Variants in SCN8A observed in about 807,000 individuals in gnomAD.
The protein encoded by SCN8A is sodium voltage-gated channel alpha subunit 8, also known as sodium channel protein type 8 subunit alpha.
In SCN8A, 30 loss-of-function variants were observed where a neutral mutation model predicts 184.1. The ratio of observed to expected loss-of-function variants is 0.16; its 90% CI spans 0.12 to 0.22. The LOEUF is 0.22. Ranked by LOEUF, SCN8A falls within the 10% of genes least tolerant of loss-of-function variation. The probability of loss-of-function intolerance (pLI) is 1.00; values close to 1 mark genes in which losing one functional copy is unlikely to be tolerated. For synonymous variants in SCN8A, 852 were observed against 907.0 expected (o/e 0.94, Z 1.09); for missense variants, 1,057 against 2,498.9 (o/e 0.42, Z 12.30).
intron 6 of SCN8A, among the ~76,000 whole-genome samples, chr12:51,692,733 A>G (rs1941532508): frequency 6.6e-6 from 1 of 152,226 alleles, no homozygotes. Flanking sequence ...TGACTCTGTC[A>G]GAAGTTTTGT....
intron 1 of SCN8A, among the ~76,000 whole-genome samples, chr12:51,593,334 T>C (rs1330593114): frequency 6.6e-6 from 1 of 152,170 alleles, no homozygotes; most frequent in Non-Finnish European, 1.5e-5. Flanking sequence ...TGAGTAGAGC[T>C]GGTGGTGGGT....
intron 1 of SCN8A, among the ~76,000 whole-genome samples, chr12:51,645,721 A>T (rs1284636866): frequency 6.7e-6 from 1 of 149,730 alleles, no homozygotes; most frequent in African/African-American, 2.4e-5. Context: ...GGGCGGTGCA[A>T]GATGTGCTTT....
chr12:51,770,030 C>A (rs1305412338), intron 18 of SCN8A, 45 bp downstream of exon 18: 12 of 1,319,636 alleles, frequency 9.1e-6, no homozygotes, highest in Non-Finnish European at 1.2e-5. Flanking sequence ...ACTCGTGTTG[C>A]TCACAGACAC....
intron 7 of SCN8A, among the ~76,000 whole-genome samples, chr12:51,700,095 G>A (rs1234737918): frequency 6.6e-6 from 1 of 151,948 alleles, no homozygotes; most frequent in East Asian, 1.9e-4. Flanking sequence ...GAACCCGGGA[G>A]GCGGAGGTTG....
chr12:51,629,075 A>G (rs1321026558), intron 1 of SCN8A, among the ~76,000 whole-genome samples: 1 of 152,196 alleles, frequency 6.6e-6, no homozygotes. Context: ...TGGCCTCAAA[A>G]ACTAGCAGTA....
At chr12:51,768,656 A>G (rs1004938338) in intron 16 of SCN8A, among the ~76,000 whole-genome samples, 4 of 152,226 alleles carry the variant, frequency 2.6e-5, no homozygotes, top group African/African-American at 9.7e-5. Flanking sequence ...GACCCAAGAA[A>G]AGAGGTGCTA....
rs533040233 is a variant in SCN8A at position 51,779,407 on chromosome 12, A to G, written c.3820-1242A>G. Among the ~76,000 whole-genome samples the G allele has an allele frequency of 2.6e-5, 4 of 152,306 alleles. No homozygotes were observed. The South Asian group carries it at 8.3e-4, about 32-fold the overall frequency. ...TAACTGCTCTGAGAGCTCTGGTAGA[A>G]CAAGGTAAGTTTGCCTCTGGCAGAG... On this transcript the variant is annotated intron_variant, in intron 20 of 26. Coordinates refer to ENST00000627620, the MANE Select transcript of SCN8A (RefSeq NM_001330260.2).
chr12:51,734,313 A>G (rs969150471), intron 12 of SCN8A, among the ~76,000 whole-genome samples: 2 of 152,238 alleles, frequency 1.3e-5, no homozygotes, highest in Non-Finnish European at 2.9e-5. Flanking sequence ...CACAGCCTTC[A>G]GAGCTGAGAG....
At chr12:51,654,923 A>G (rs1396492762) in intron 1 of SCN8A, among the ~76,000 whole-genome samples, 1 of 152,152 alleles carries the variant, frequency 6.6e-6, no homozygotes, top group Non-Finnish European at 1.5e-5. Context: ...TTATTGAGAC[A>G]GAGACTCACT....
intron 1 of SCN8A, among the ~76,000 whole-genome samples, chr12:51,607,433 G>C (rs1939619914): frequency 6.6e-6 from 1 of 152,024 alleles, no homozygotes; most frequent in Non-Finnish European, 1.5e-5. Context: ...TCTCTTCTCT[G>C]ATTGCTCTGG....
At chr12:51,720,063 G>A (rs1473604134) in intron 11 of SCN8A, among the ~76,000 whole-genome samples, 7 of 113,414 alleles carry the variant, frequency 6.2e-5, no homozygotes, top group African/African-American at 1.0e-4. Context: ...GCGACAGAGC[G>A]AGACTCCGTC....
chr12:51,797,105 TA>T (rs978026882), intron 26 of SCN8A, among the ~76,000 whole-genome samples: 5 of 152,292 alleles, frequency 3.3e-5, no homozygotes, highest in African/African-American at 1.2e-4. Context: ...CACTTAATAT[TA>T]ACCATTACAA....
At chr12:51,782,542 C>T (rs1253035634) in intron 21 of SCN8A, among the ~76,000 whole-genome samples, 4 of 152,242 alleles carry the variant, frequency 2.6e-5, no homozygotes, top group Non-Finnish European at 5.9e-5. Flanking sequence ...CTCCGCATCC[C>T]CTTACGGTGA....
chr12:51,747,994 C>T (rs1001687298), intron 13 of SCN8A, among the ~76,000 whole-genome samples: 1 of 152,190 alleles, frequency 6.6e-6, no homozygotes, highest in Admixed American at 6.5e-5. Flanking sequence ...TTATACCTGT[C>T]CTGCCATTTC....
At chr12:51,800,798 G>C (rs564112791) in intron 26 of SCN8A, among the ~76,000 whole-genome samples, 5 of 152,190 alleles carry the variant, frequency 3.3e-5, no homozygotes, top group African/African-American at 7.2e-5. Flanking sequence ...GTGTCCAGTA[G>C]TCCCCGAAAG....
chr12:51,711,595 T>C (rs562521453), intron 11 of SCN8A, among the ~76,000 whole-genome samples: 1 of 152,360 alleles, frequency 6.6e-6, no homozygotes, highest in Non-Finnish European at 1.5e-5. Flanking sequence ...CCCTTCTTTA[T>C]TCCTGCACAC....
chr12:51,659,680 G>C (rs564739694), intron 1 of SCN8A, among the ~76,000 whole-genome samples: 2 of 152,250 alleles, frequency 1.3e-5, no homozygotes, highest in African/African-American at 4.8e-5. Context: ...AAATATGCCT[G>C]GTGGACTGAG....
In SCN8A at chr12:51,807,619, C is replaced by T. The variant is rs7301577; in HGVS notation, c.*190C>T. The T allele has an allele frequency of 2.1e-3, 1,321 of 639,528 alleles. No homozygotes were observed. The highest frequency in any genetic ancestry group is 2.9e-3 in the Non-Finnish European group (1,064 of 370,246). The allele number at this position is 639,528 out of a possible 1,614,324, so 39.6% of individuals were successfully genotyped here. On this transcript the variant is annotated 3_prime_UTR_variant, in exon 27 of 27. Transcript: ENST00000627620. This position sits in a 1 kb window ranked among gnomAD's most constrained non-coding sequence, Gnocchi z 4.5. ...GTGACCTGCCAAGGGCAAAGGACCC[C>T]GCTCCCTAGACTTACAGATTTTCTA...
Position 51,625,142 on chromosome 12 carries a change from A to G in SCN8A, c.-55+33783A>G, listed in dbSNP as rs1006653621. On this transcript the variant is annotated intron_variant, in intron 1 of 26. Coordinates refer to ENST00000627620, the MANE Select transcript of SCN8A (RefSeq NM_001330260.2). The stretch of plus-strand genomic sequence containing the variant: ...TATGTTCCACCCTAGTAACACATAG[A>G]ATAATTCCGTTATCCTAAAAGTTTC... Among the ~76,000 whole-genome samples the G allele has an allele frequency of 1.1e-4, 17 of 152,212 alleles. 1 individual carries two copies. Among genetic ancestry groups the G allele is most frequent in the Admixed American group, 5.2e-4 (8 of 15,284 alleles).
Sources: allele counts gnomAD v4.1 joint callset (sites outside exome capture counted in the v4.1 genomes callset), GRCh38; gene constraint gnomAD v4.1.1; non-coding constraint Gnocchi (gnomAD v3.1); transcripts MANE v1.5; gene names NCBI Gene and HGNC (gene_info 2026-07-23, HGNC 2026-07-21).